Variants in IDE observed in about 807,000 individuals in gnomAD.
IDE encodes the protein insulin-degrading enzyme.
A neutral mutation model predicts 133.2 loss-of-function variants in IDE; 58 were observed. The ratio of observed to expected loss-of-function variants is 0.44; its 90% CI spans 0.35 to 0.54. IDE has a LOEUF of 0.54. Ranked by LOEUF, IDE falls within the 20% of genes least tolerant of loss-of-function variation. The probability of loss-of-function intolerance (pLI) is 0.00; values close to 1 mark genes in which losing one functional copy is unlikely to be tolerated. For missense variants in IDE, 981 were observed against 1,234.0 expected (o/e 0.79, Z 3.07); for synonymous variants, 396 against 421.3 (o/e 0.94, Z 0.73).
intron 1 of IDE, among the ~76,000 whole-genome samples, chr10:92,556,433 A>C (rs1843013780): frequency 6.6e-6 from 1 of 151,738 alleles, no homozygotes; most frequent in African/African-American, 2.4e-5. Flanking sequence ...GACCAGCCTA[A>C]CCAACATGGT....
intron 7 of IDE, 24 bp downstream of exon 7, chr10:92,508,704 G>C (rs1467740864): frequency 1.2e-6 from 2 of 1,608,922 alleles, no homozygotes; most frequent in Non-Finnish European, 1.7e-6. Flanking sequence ...TGGACACTCA[G>C]AAGATGCTGC....
At chr10:92,505,477 T>A (rs1346668922) in intron 10 of IDE, among the ~76,000 whole-genome samples, 1 of 152,184 alleles carries the variant, frequency 6.6e-6, no homozygotes, top group Non-Finnish European at 1.5e-5. Flanking sequence ...TTAATGAACA[T>A]CTACTATGTG....
At chr10:92,478,438 C>A (rs1281359721) in intron 15 of IDE, among the ~76,000 whole-genome samples, 1 of 152,130 alleles carries the variant, frequency 6.6e-6, no homozygotes, top group Non-Finnish European at 1.5e-5. Flanking sequence ...AAACGTAGCA[C>A]ACATACATGT....
intron 11 of IDE, among the ~76,000 whole-genome samples, chr10:92,493,669 T>C (rs1719732777): frequency 6.6e-6 from 1 of 151,282 alleles, no homozygotes; most frequent in African/African-American, 2.4e-5. Context: ...CAAAGTGAGG[T>C]GTATGGGTAA....
At chr10:92,478,805 A>T in intron 15 of IDE, 2 of 1,197,986 alleles carry the variant, frequency 1.7e-6, no homozygotes, top group Middle Eastern at 2.3e-4. Flanking sequence ...AAAAAGAAAA[A>T]CAAAAGAAAT....
intron 6 of IDE, among the ~76,000 whole-genome samples, chr10:92,509,537 G>C (rs1848476224): frequency 6.6e-6 from 1 of 152,006 alleles, no homozygotes; most frequent in Non-Finnish European, 1.5e-5. Flanking sequence ...AGGTTGCAGG[G>C]AGCCACGATC....
chr10:92,489,079 G>C lies in IDE; in HGVS notation c.1533+1414C>G, dbSNP rs1847194013. 2.6e-5 allele frequency among the ~76,000 whole-genome samples: 4 copies of C among 151,928 alleles called. No homozygotes were observed. In the South Asian group the frequency reaches 6.2e-4, roughly 24 times the overall value. On this transcript the variant is annotated intron_variant, in intron 12 of 24. Transcript: ENST00000265986. ...GATTCAGTAATTTGATCTCTAGCTGGTGTGGCACAGCCTTGCAGATTTTAC... is the reference window on the plus strand; with the variant it reads ...GATTCAGTAATTTGATCTCTAGCTGCTGTGGCACAGCCTTGCAGATTTTAC...
chr10:92,509,992 T>C (rs893674320), intron 6 of IDE, 58 bp downstream of exon 6: 1 of 728,496 alleles, frequency 1.4e-6, no homozygotes, highest in Non-Finnish European at 2.3e-6. Flanking sequence ...TATGGTAAAC[T>C]AGGTATATAT....
intron 5 of IDE, among the ~76,000 whole-genome samples, chr10:92,513,990 T>C (rs1441538620): frequency 6.6e-6 from 1 of 152,170 alleles, no homozygotes; most frequent in Non-Finnish European, 1.5e-5. Flanking sequence ...CTATAAGATA[T>C]TCTATTTGCA....
intron 13 of IDE, among the ~76,000 whole-genome samples, chr10:92,486,919 C>T (rs556518149): frequency 3.3e-5 from 5 of 152,338 alleles, no homozygotes; most frequent in Non-Finnish European, 7.3e-5. Context: ...AGGAACAGAC[C>T]TTTCCACAGA....
intron 17 of IDE, among the ~76,000 whole-genome samples, chr10:92,472,806 T>G (rs890297763): frequency 6.7e-6 from 1 of 150,020 alleles, no homozygotes; most frequent in African/African-American, 2.5e-5. Flanking sequence ...GCCCAGCTAA[T>G]TTTTGTATTT....
At chr10:92,468,833 T>G (rs778775368) in intron 19 of IDE, 46 bp downstream of exon 19, 2 of 1,002,080 alleles carry the variant, frequency 2.0e-6, no homozygotes, top group Non-Finnish European at 3.2e-6. Flanking sequence ...ACCCACACTG[T>G]TATGTCAAAA....
intron 14 of IDE, among the ~76,000 whole-genome samples, chr10:92,482,106 T>C (rs1729479267): frequency 6.6e-6 from 1 of 152,232 alleles, no homozygotes; most frequent in Non-Finnish European, 1.5e-5. Context: ...ACATATTTGT[T>C]GATGGAAAAT....
chr10:92,532,933 T>C (rs1850022889), intron 3 of IDE, among the ~76,000 whole-genome samples: 1 of 152,210 alleles, frequency 6.6e-6, no homozygotes, highest in African/African-American at 2.4e-5. Flanking sequence ...TAAGAAAATA[T>C]GATACTATGC....
chr10:92,571,644 A>C (rs144277769), intron 1 of IDE, among the ~76,000 whole-genome samples: 4 of 152,346 alleles, frequency 2.6e-5, no homozygotes, highest in Admixed American at 6.5e-5. Flanking sequence ...CAGAACAAGG[A>C]GGTTACTCTG....
intron 1 of IDE, among the ~76,000 whole-genome samples, chr10:92,566,342 T>C (rs548859724): frequency 6.6e-6 from 1 of 151,784 alleles, no homozygotes; most frequent in South Asian, 2.1e-4. Context: ...CAGTGAGCCC[T>C]GATCACGCCA....
chr10:92,467,682 G>A (rs530107327), intron 19 of IDE, among the ~76,000 whole-genome samples: 1 of 152,310 alleles, frequency 6.6e-6, no homozygotes, highest in South Asian at 2.1e-4. Flanking sequence ...AACTGTTATG[G>A]CTCTTGCATA....
At chr10:92,495,708 A>T (rs965984076) in intron 11 of IDE, among the ~76,000 whole-genome samples, 10 of 151,988 alleles carry the variant, frequency 6.6e-5, no homozygotes, top group African/African-American at 1.4e-4. Context: ...CACTAGTAAA[A>T]TTCTACACTA....
intron 1 of IDE, among the ~76,000 whole-genome samples, chr10:92,557,393 A>G (rs1460370258): frequency 6.6e-6 from 1 of 151,790 alleles, no homozygotes; most frequent in Non-Finnish European, 1.5e-5. Flanking sequence ...AAAATTAGCC[A>G]GGCTTGGTGG....
Sources: gnomAD v4.1 joint callset for allele counts (sites outside exome capture counted in the v4.1 genomes callset) on GRCh38, gnomAD v4.1.1 for gene constraint, MANE v1.5 for transcripts, NCBI Gene and HGNC (gene_info 2026-07-23, HGNC 2026-07-21) for gene names.